The following RBMS3 variants were observed in gnomAD, a reference collection of about 807,000 sequenced individuals.
RBMS3 encodes RNA binding motif single stranded interacting protein 3.
In RBMS3, 27 loss-of-function variants were observed where a neutral mutation model predicts 66.8. The observed-to-expected ratio is 0.40, with a 90% CI of 0.30 to 0.56. The LOEUF (loss-of-function observed/expected upper bound fraction) is 0.56, where lower values mean the gene tolerates loss of function less well. Ranked by LOEUF, RBMS3 falls within the 20% of genes least tolerant of loss-of-function variation. The probability of loss-of-function intolerance (pLI) is 0.40; values close to 1 mark genes in which losing one functional copy is unlikely to be tolerated. For missense variants in RBMS3, 513 were observed against 549.5 expected (o/e 0.93, Z 0.66); for synonymous variants, 188 against 183.0 (o/e 1.03, Z -0.22).
chr3:29,510,118 C>T (rs2044339570), intron 3 of RBMS3, among the ~76,000 whole-genome samples: 1 of 152,204 alleles, frequency 6.6e-6, no homozygotes, highest in Non-Finnish European at 1.5e-5. Context: ...AGATACACTG[C>T]TTCTTTAAAC....
At chr3:29,785,409 A>C (rs2056785167) in intron 6 of RBMS3, among the ~76,000 whole-genome samples, 1 of 152,054 alleles carries the variant, frequency 6.6e-6, no homozygotes, top group African/African-American at 2.4e-5. Context: ...ATACCATATT[A>C]TTCTTTACAG....
chr3:29,983,200 G>A (rs1698117021), intron 12 of RBMS3, among the ~76,000 whole-genome samples: 1 of 148,560 alleles, frequency 6.7e-6, no homozygotes, highest in Non-Finnish European at 1.5e-5. Context: ...TTGTTTTAAA[G>A]TCTGTTTTAT....
At chr3:29,299,937 A>G (rs1425628540) in intron 1 of RBMS3, among the ~76,000 whole-genome samples, 1 of 151,914 alleles carries the variant, frequency 6.6e-6, no homozygotes, top group Non-Finnish European at 1.5e-5. Flanking sequence ...ATATGACAAA[A>G]GTTTAATATC....
rs372419747 is a variant in RBMS3 at position 29,576,754 on chromosome 3, C to T, written c.308-10360C>T. Among the ~76,000 whole-genome samples, 3 of 152,294 alleles carry T rather than the reference C, an allele frequency of 2.0e-5. No homozygotes were observed. In the East Asian group the frequency reaches 5.8e-4, roughly 29 times the overall value. ...AGGCAGAGGAGCCTCTCCCTGTGGGCACTGCCACCACTGGCCCATTGAGGG... is the reference window on the plus strand; with the variant it reads ...AGGCAGAGGAGCCTCTCCCTGTGGGTACTGCCACCACTGGCCCATTGAGGG... On this transcript the variant is annotated intron_variant, in intron 3 of 14. Coordinates refer to ENST00000383767, the MANE Select transcript of RBMS3 (RefSeq NM_001003793.3).
chr3:29,887,681 G>A (rs1401829171), intron 8 of RBMS3, among the ~76,000 whole-genome samples: 1 of 151,712 alleles, frequency 6.6e-6, no homozygotes, highest in African/African-American at 2.4e-5. Context: ...AAACATGCCT[G>A]ATTAATGTCT....
chr3:29,362,813 C>T (rs1466070915), intron 1 of RBMS3, among the ~76,000 whole-genome samples: 10 of 152,160 alleles, frequency 6.6e-5, no homozygotes, highest in East Asian at 1.9e-4. Context: ...AGCTAATTAA[C>T]GCTGACGTCG....
chr3:29,618,710 A>G (rs546091501), intron 4 of RBMS3, among the ~76,000 whole-genome samples: 1 of 152,144 alleles, frequency 6.6e-6, no homozygotes, highest in Admixed American at 6.5e-5. Flanking sequence ...TAGTAAAAAT[A>G]CTTTGGCTTC....
At chr3:29,697,178 AATC>A in intron 4 of RBMS3, 1 of 824,678 alleles carries the variant, frequency 1.2e-6, no homozygotes, top group Non-Finnish European at 1.5e-6. Flanking sequence ...ATTTTAATGG[AATC>A]TTCCTGAACA....
chr3:29,360,904 A>T (rs1575613558), intron 1 of RBMS3, among the ~76,000 whole-genome samples: 1 of 151,808 alleles, frequency 6.6e-6, no homozygotes, highest in East Asian at 1.9e-4. Flanking sequence ...TGCTTAGTGG[A>T]TCTTCCCCCA....
At chr3:29,359,436 G>C (rs898877677) in intron 1 of RBMS3, among the ~76,000 whole-genome samples, 13 of 152,146 alleles carry the variant, frequency 8.5e-5, no homozygotes, top group African/African-American at 2.7e-4. Context: ...TGTGTTGCTG[G>C]ATTCGGTTTG....
rs2031760143 is a variant in RBMS3 at position 29,281,403 on chromosome 3, A to G, written c.-279A>G. The G allele has an allele frequency of 2.1e-6, 1 of 484,314 alleles. No individual in the cohort carries two copies. Among genetic ancestry groups the G allele is most frequent in the Non-Finnish European group, 3.6e-6 (1 of 275,776 alleles). 30.0% of individuals were successfully genotyped at this position (484,314 alleles called of 1,614,324 possible). ...TGCCTCATCCCAAGTGGACCCCGGC[A>G]GCTGGGGGAAGCCAGGCAAGATCTG... On this transcript the variant is annotated 5_prime_UTR_variant, in exon 1 of 15. Coordinates refer to ENST00000383767, the MANE Select transcript of RBMS3 (RefSeq NM_001003793.3).
At chr3:29,694,866 A>ATTTTT (rs1559577424) in intron 4 of RBMS3, among the ~76,000 whole-genome samples, 7,510 of 151,830 alleles carry the variant, frequency 0.049, 645 homozygotes, top group African/African-American at 0.17. Context: ...TTTTTTAAAA[A>ATTTTT]AAAAATACAA....
Position 29,281,447 on chromosome 3 carries a change from G to GT in RBMS3, c.-229dup. ...AGATCTGGGAAGGCTGTGTGTGGGT[G>GT]TTTTTTCTACAGATCTCACTCCTCG... On this transcript the variant is annotated 5_prime_UTR_variant, in exon 1 of 15. Transcript: ENST00000383767. 4 of 536,508 alleles carry GT rather than the reference G, an allele frequency of 7.5e-6. No homozygotes were observed. The highest frequency in any genetic ancestry group is 5.1e-5 in the South Asian group (2 of 39,202). 33.2% of individuals were successfully genotyped at this position (536,508 alleles called of 1,614,324 possible).
intron 4 of RBMS3, among the ~76,000 whole-genome samples, chr3:29,627,784 G>A (rs988712368): frequency 2.0e-5 from 3 of 152,136 alleles, no homozygotes; most frequent in Non-Finnish European, 2.9e-5. Context: ...GTGAAAAGAA[G>A]AGAGGGAGAG....
intron 3 of RBMS3, among the ~76,000 whole-genome samples, chr3:29,581,951 T>G (rs2149084986): frequency 1.3e-5 from 2 of 152,224 alleles, no homozygotes; most frequent in South Asian, 2.1e-4. Context: ...AATAGAGAAC[T>G]TAAGGAGCCC....
intron 5 of RBMS3, among the ~76,000 whole-genome samples, chr3:29,747,329 C>A (rs1305930423): frequency 6.6e-6 from 1 of 152,014 alleles, no homozygotes; most frequent in Non-Finnish European, 1.5e-5. Flanking sequence ...GTTATATAAA[C>A]TCTCTGAGCC....
intron 12 of RBMS3, among the ~76,000 whole-genome samples, chr3:29,954,756 C>T (rs963534303): frequency 2.0e-5 from 3 of 151,992 alleles, no homozygotes. Context: ...CAGGTCCAGG[C>T]TGGGTTCTTA....
chr3:29,484,881 G>C (rs1235525915), intron 2 of RBMS3, among the ~76,000 whole-genome samples: 2 of 152,124 alleles, frequency 1.3e-5, no homozygotes, highest in African/African-American at 4.8e-5. Context: ...TTCTAGTCTG[G>C]TATCAATATA....
At chr3:29,964,620 T>C (rs1329602663) in intron 12 of RBMS3, among the ~76,000 whole-genome samples, 1 of 152,222 alleles carries the variant, frequency 6.6e-6, no homozygotes, top group Non-Finnish European at 1.5e-5. Context: ...AACTAACTGG[T>C]AACCTTTCCT....
Sources: allele counts gnomAD v4.1 joint callset (sites outside exome capture counted in the v4.1 genomes callset), GRCh38; gene constraint gnomAD v4.1.1; transcripts MANE v1.5; gene names NCBI Gene and HGNC (gene_info 2026-07-23, HGNC 2026-07-21).